The following RIMBP2 variants were observed in gnomAD, a reference collection of about 807,000 sequenced individuals.
RIMBP2 encodes RIMS binding protein 2.
A neutral mutation model predicts 118.6 loss-of-function variants in RIMBP2; 48 were observed. That is an observed-to-expected ratio of 0.40 (90% CI 0.32 to 0.51). The LOEUF is 0.51. Ranked by LOEUF, RIMBP2 falls within the 20% of genes least tolerant of loss-of-function variation. The pLI is 0.41. For missense variants in RIMBP2, 1,551 were observed against 1,768.3 expected (o/e 0.88, Z 2.20); for synonymous variants, 762 against 742.9 (o/e 1.03, Z -0.42).
chr12:130,514,376 G>A (rs922066645), intron 3 of RIMBP2, among the ~76,000 whole-genome samples: 5 of 152,228 alleles, frequency 3.3e-5, no homozygotes, highest in Admixed American at 2.0e-4. Context: ...GCGGGAGCAG[G>A]GATGTCAAGC....
intron 7 of RIMBP2, among the ~76,000 whole-genome samples, chr12:130,452,613 G>T (rs964762239): frequency 2.6e-5 from 4 of 152,222 alleles, no homozygotes; most frequent in Non-Finnish European, 5.9e-5. Context: ...TCCCAGCCAC[G>T]AGAGTCACCT....
chr12:130,604,011 G>A (rs1258831211), intron 2 of RIMBP2, among the ~76,000 whole-genome samples: 4 of 152,168 alleles, frequency 2.6e-5, no homozygotes, highest in Non-Finnish European at 5.9e-5. Flanking sequence ...CCTAGGAGAT[G>A]GCCGCTCCAC....
intron 5 of RIMBP2, among the ~76,000 whole-genome samples, chr12:130,473,615 A>T (rs1415746336): frequency 6.6e-6 from 1 of 152,188 alleles, no homozygotes; most frequent in Non-Finnish European, 1.5e-5. Flanking sequence ...GGCGTTATGA[A>T]ACGTTAGCTC....
chr12:130,694,364 GA>G (rs1566462732), intron 1 of RIMBP2, among the ~76,000 whole-genome samples: 1 of 152,196 alleles, frequency 6.6e-6, no homozygotes, highest in South Asian at 2.1e-4. Context: ...CTAGGAGGCA[GA>G]AAAATCATCT....
chr12:130,512,098 T>G (rs991056156), intron 3 of RIMBP2, among the ~76,000 whole-genome samples: 1 of 152,172 alleles, frequency 6.6e-6, no homozygotes, highest in Non-Finnish European at 1.5e-5. Flanking sequence ...TAAAACACGA[T>G]AAATATTGGC....
chr12:130,688,275 G>A lies in RIMBP2; in HGVS notation c.-352+27947C>T, dbSNP rs1246191727. On this transcript the variant is annotated intron_variant, in intron 1 of 22. Coordinates refer to ENST00000690449, the MANE Select transcript of RIMBP2 (RefSeq NM_001393629.1). This position sits in a 1 kb window ranked among gnomAD's most constrained non-coding sequence, Gnocchi z 4.7. ...AGCTCTGCACCATGGGCACCCGGCA[G>A]ACCCTCCTGCTGTTTCTGAACTCCT... Among the ~76,000 whole-genome samples the A allele has an allele frequency of 6.6e-6, 1 of 152,116 alleles. No homozygotes were observed. The highest frequency in any genetic ancestry group is 1.5e-5 in the Non-Finnish European group (1 of 68,032).
chr12:130,456,932 G>A (rs528240905), intron 6 of RIMBP2, among the ~76,000 whole-genome samples: 7 of 152,294 alleles, frequency 4.6e-5, no homozygotes, highest in Admixed American at 4.6e-4. Flanking sequence ...CCACTTTCAC[G>A]GGAGAGCAGT....
chr12:130,432,040 C>G, intron 14 of RIMBP2: 1 of 265,056 alleles, frequency 3.8e-6, no homozygotes, highest in Non-Finnish European at 7.5e-6. Context: ...GGGGCTGTGG[C>G]TGCCATAAGA....
At chr12:130,516,113 C>T (rs2051427946) in intron 3 of RIMBP2, among the ~76,000 whole-genome samples, 1 of 152,162 alleles carries the variant, frequency 6.6e-6, no homozygotes, top group African/African-American at 2.4e-5. Flanking sequence ...TTTACATTCC[C>T]AGCAACAATG....
chr12:130,534,398 G>A (rs554330385), intron 2 of RIMBP2, among the ~76,000 whole-genome samples: 115 of 152,154 alleles, frequency 7.6e-4, no homozygotes, highest in Non-Finnish European at 1.4e-3. Context: ...AGGACCACGA[G>A]GTCAGGAGAT....
At chr12:130,476,605 T>C (rs2081451393) in intron 5 of RIMBP2, among the ~76,000 whole-genome samples, 1 of 152,236 alleles carries the variant, frequency 6.6e-6, no homozygotes, top group Non-Finnish European at 1.5e-5. Flanking sequence ...CTGTGTGTGC[T>C]GCTCCCTAAC....
At chr12:130,549,732 C>T (rs1416534693) in intron 2 of RIMBP2, among the ~76,000 whole-genome samples, 1 of 152,144 alleles carries the variant, frequency 6.6e-6, no homozygotes, top group Non-Finnish European at 1.5e-5. Context: ...TGTACATGTA[C>T]CACATTTTCT....
intron 4 of RIMBP2, among the ~76,000 whole-genome samples, chr12:130,500,974 C>A (rs1318986410): frequency 6.6e-6 from 1 of 152,140 alleles, no homozygotes; most frequent in Non-Finnish European, 1.5e-5. Flanking sequence ...AGAGTGGGAA[C>A]CCGGAGCTCT....
At chr12:130,482,816 C>T (rs1185924529) in intron 4 of RIMBP2, among the ~76,000 whole-genome samples, 2 of 144,334 alleles carry the variant, frequency 1.4e-5, no homozygotes, top group African/African-American at 5.2e-5. Flanking sequence ...TGTGTGTGTA[C>T]ATGTGTCAGA....
chr12:130,605,170 A>T (rs1469295958), intron 2 of RIMBP2, among the ~76,000 whole-genome samples: 1 of 152,198 alleles, frequency 6.6e-6, no homozygotes, highest in Non-Finnish European at 1.5e-5. Context: ...GGACTGTGAA[A>T]GTATACTTTA....
rs1025349406 is a variant in RIMBP2 at position 130,623,908 on chromosome 12, G to T, written c.-217+4414C>A. On this transcript the variant is annotated intron_variant, in intron 2 of 22. Transcript: ENST00000690449. This position sits in a 1 kb window ranked among gnomAD's most constrained non-coding sequence, Gnocchi z 4.1. ...CAGGATTGAGTCCCCATCACCCACA[G>T]TGGCAACTGGCTGGATAACACACAC... 1.1e-4 allele frequency among the ~76,000 whole-genome samples: 17 copies of T among 152,206 alleles called. No individual in the cohort carries two copies.
chr12:130,399,258 T>C, intron 22 of RIMBP2: 1 of 633,390 alleles, frequency 1.6e-6, no homozygotes, highest in East Asian at 4.1e-5. Flanking sequence ...AATGAGATAC[T>C]AAACATGAAT....
At chr12:130,572,884 G>A (rs2057791138) in intron 2 of RIMBP2, among the ~76,000 whole-genome samples, 1 of 152,126 alleles carries the variant, frequency 6.6e-6, no homozygotes, top group African/African-American at 2.4e-5. Context: ...AGGAGCCAGG[G>A]TAGGAGCAGG....
chr12:130,616,360 C>T (rs1220725747), intron 2 of RIMBP2, among the ~76,000 whole-genome samples: 3 of 152,066 alleles, frequency 2.0e-5, no homozygotes, highest in Middle Eastern at 6.8e-3. Context: ...TCTGCCTCCC[C>T]TATTAGTCTC....
Sources: allele counts gnomAD v4.1 joint callset (sites outside exome capture counted in the v4.1 genomes callset), GRCh38; gene constraint gnomAD v4.1.1; non-coding constraint Gnocchi (gnomAD v3.1); transcripts MANE v1.5; gene names NCBI Gene and HGNC (gene_info 2026-07-23, HGNC 2026-07-21).